MRC1: variants seen among roughly 807,000 people sequenced by gnomAD.
MRC1 encodes the protein macrophage mannose receptor 1.
A neutral mutation model predicts 102.9 loss-of-function variants in MRC1; 62 were observed. That is an observed-to-expected ratio of 0.60 (90% CI 0.49 to 0.74). MRC1 has a LOEUF of 0.74. MRC1 is among the 30% of genes least tolerant of loss of function. The probability of loss-of-function intolerance (pLI) is 0.00; values close to 1 mark genes in which losing one functional copy is unlikely to be tolerated. For missense variants in MRC1, 1,237 were observed against 862.8 expected (o/e 1.43, Z -5.43); for synonymous variants, 457 against 298.4 (o/e 1.53, Z -5.48).
intron 1 of MRC1, among the ~76,000 whole-genome samples, chr10:17,815,066 CAAT>C (rs1215640351): frequency 1.3e-5 from 2 of 152,088 alleles, no homozygotes; most frequent in Non-Finnish European, 2.9e-5. Context: ...GCCAAGTTAA[CAAT>C]AATAATAATG....
At chr10:17,847,873 C>T (rs950773030) in intron 6 of MRC1, among the ~76,000 whole-genome samples, 38 of 152,002 alleles carry the variant, frequency 2.5e-4, no homozygotes, top group African/African-American at 8.2e-4. Context: ...ATTAAAATAA[C>T]CCACCAGAGG....
intron 21 of MRC1, among the ~76,000 whole-genome samples, chr10:17,883,705 G>A (rs1223130880): frequency 2.0e-5 from 3 of 152,190 alleles, no homozygotes; most frequent in Non-Finnish European, 4.4e-5. Context: ...TTCAGCAGAT[G>A]TGTTTAAGTG....
At position 17,900,963 on chromosome 10, in the gene MRC1, T is replaced by A; in HGVS notation, c.3649+10T>A. On this transcript the variant is annotated intron_variant, in intron 25 of 29. Coordinates refer to ENST00000569591, the MANE Select transcript of MRC1 (RefSeq NM_002438.4). ...TGTAAAAGATCAGATGGTAATTGAA[T>A]ATATAAAAACAGTCAGGGGATCTGA... 3 of 779,684 alleles carry A rather than the reference T, an allele frequency of 3.8e-6. No homozygotes were observed. Among genetic ancestry groups the A allele is most frequent in the Non-Finnish European group, 7.2e-6 (3 of 417,466 alleles). 48.3% of individuals were successfully genotyped at this position (779,684 alleles called of 1,614,324 possible).
At chr10:17,825,239 G>A (rs920709548) in intron 2 of MRC1, among the ~76,000 whole-genome samples, 1 of 152,148 alleles carries the variant, frequency 6.6e-6, no homozygotes, top group Non-Finnish European at 1.5e-5. Context: ...GGGTAGAATG[G>A]TGGAACTTTT....
In MRC1 at chr10:17,880,059, T is replaced by C. The variant is rs1052449103; in HGVS notation, c.2719+238T>C. Among the ~76,000 whole-genome samples, 494 of 152,338 alleles carry C rather than the reference T, an allele frequency of 3.2e-3. 20 individuals carry two copies. In the East Asian group the frequency reaches 0.078, roughly 24 times the overall value. ...CTTCTTCCCAAATTAGGAACCATTT[T>C]TTCATGTTCTGATTTGAAAAAACTT... On this transcript the variant is annotated intron_variant, in intron 19 of 29. Coordinates refer to ENST00000569591, the MANE Select transcript of MRC1 (RefSeq NM_002438.4).
chr10:17,887,233 C>G (rs1833610189), intron 22 of MRC1, among the ~76,000 whole-genome samples: 1 of 151,702 alleles, frequency 6.6e-6, no homozygotes, highest in Admixed American at 6.6e-5. Context: ...ACTAAAAATA[C>G]AAAAAAAATT....
intron 9 of MRC1, among the ~76,000 whole-genome samples, chr10:17,857,959 AAAG>A (rs1833120312): frequency 6.6e-6 from 1 of 152,218 alleles, no homozygotes; most frequent in Admixed American, 6.5e-5. Context: ...TCCTCATTAT[AAAG>A]AAGTCTCATT....
chr10:17,843,161 T>C (rs1838775705), intron 5 of MRC1, among the ~76,000 whole-genome samples: 1 of 152,214 alleles, frequency 6.6e-6, no homozygotes, highest in Non-Finnish European at 1.5e-5. Flanking sequence ...AGGTATTGTA[T>C]TGATAAATAA....
At chr10:17,867,617 C>G (rs1017182748) in intron 12 of MRC1, among the ~76,000 whole-genome samples, 3 of 152,038 alleles carry the variant, frequency 2.0e-5, no homozygotes, top group South Asian at 2.1e-4. Context: ...AAGATGGGGT[C>G]TCACTATGTT....
At position 17,863,687 on chromosome 10, in the gene MRC1, G is replaced by A. The variant is rs1554841316; in HGVS notation, c.1783+5G>A. On this transcript the variant is annotated splice_donor_5th_base_variant and intron_variant, in intron 11 of 29. Coordinates refer to ENST00000569591, the MANE Select transcript of MRC1 (RefSeq NM_002438.4). Reference sequence around the variant, plus strand: ...ACTGGAATTCAGATATGCCAGGTACGGGCAGCGCTTAGGTTGAGGGTTGCT... The same window carrying A: ...ACTGGAATTCAGATATGCCAGGTACAGGCAGCGCTTAGGTTGAGGGTTGCT... 3 of 780,762 alleles carry A rather than the reference G, an allele frequency of 3.8e-6. No individual in the cohort carries two copies. Among genetic ancestry groups the A allele is most frequent in the Non-Finnish European group, 7.2e-6 (3 of 417,954 alleles). The allele number at this position is 780,762 out of a possible 1,614,324, so 48.4% of individuals were successfully genotyped here. A position where few individuals can be genotyped will look rare whatever the true frequency, so the allele number is the denominator to read the frequency against.
chr10:17,905,337 A>T (rs1197915072), intron 26 of MRC1, among the ~76,000 whole-genome samples: 1 of 152,168 alleles, frequency 6.6e-6, no homozygotes, highest in Non-Finnish European at 1.5e-5. Context: ...GAATTATTGC[A>T]AGCCTTTGAT....
At position 17,833,765 on chromosome 10, in the gene MRC1, C is replaced by G; in HGVS notation, c.728C>G (p.Ala243Gly). The change falls in exon 4 of 30, where the codon GCG (alanine) becomes GGG (glycine). Residue 243 changes from alanine (A) to glycine (G), a missense_variant. Ala to Gly is a moderately conservative substitution (Grantham distance 60). Coordinates refer to ENST00000569591, the MANE Select transcript of MRC1 (RefSeq NM_002438.4). ...AAATCCGCTTTAACGTGGCACCAGG[C>G]GAGGAAAAGCTGCCAACAACAGAAC... is the stretch of plus-strand genomic sequence containing the variant. ...NSKSALTWHQ[A>G]RKSCQQQNAE... The G allele has an allele frequency of 2.6e-6, 2 of 780,986 alleles. No homozygotes were observed. Among genetic ancestry groups the G allele is most frequent in the Non-Finnish European group, 4.8e-6 (2 of 418,130 alleles). 48.4% of individuals were successfully genotyped at this position (780,986 alleles called of 1,614,324 possible). A position where few individuals can be genotyped will look rare whatever the true frequency, so the allele number is the denominator to read the frequency against.
At chr10:17,842,244 G>A (rs967106655) in intron 5 of MRC1, among the ~76,000 whole-genome samples, 4 of 152,310 alleles carry the variant, frequency 2.6e-5, no homozygotes, top group South Asian at 2.1e-4. Context: ...GATTACAGGC[G>A]TGAGCCACTG....
chr10:17,859,506 C>G (rs1415089054), intron 9 of MRC1, among the ~76,000 whole-genome samples: 1 of 152,014 alleles, frequency 6.6e-6, no homozygotes, highest in Non-Finnish European at 1.5e-5. Context: ...TCAGTCAAGA[C>G]GGGGTTTCAC....
intron 10 of MRC1, 147 bp from the exon 11 acceptor site, chr10:17,863,387 T>C: frequency 4.5e-6 from 3 of 670,652 alleles, no homozygotes; most frequent in Non-Finnish European, 8.2e-6. Context: ...ATAATGTAGA[T>C]GACATACAAA....
chr10:17,903,382 C>CTT (rs1210207060), intron 26 of MRC1, among the ~76,000 whole-genome samples: 9 of 125,036 alleles, frequency 7.2e-5, no homozygotes, highest in African/African-American at 8.9e-5. Flanking sequence ...TTTTTCTTTT[C>CTT]TTTTTTTTTC....
intron 4 of MRC1, among the ~76,000 whole-genome samples, chr10:17,836,148 T>C (rs997846918): frequency 4.6e-5 from 7 of 152,240 alleles, no homozygotes; most frequent in Admixed American, 1.3e-4. Flanking sequence ...GCACACTCCC[T>C]ACCTTGCCTC....
At position 17,827,789 on chromosome 10, in the gene MRC1, CT is replaced by C. The variant is rs2130600708; in HGVS notation, c.637+75del. 5.2e-6 allele frequency: 4 copies of C among 770,386 alleles called. No individual in the cohort carries two copies. In the East Asian group the frequency reaches 9.7e-5, roughly 19 times the overall value. 47.7% of individuals were successfully genotyped at this position (770,386 alleles called of 1,614,324 possible). ...ATGTAGTGAAAGACCTTGAATTTATCTAGAGCATTTTTCCCCAAAGTTATTT... is the reference window on the plus strand; with the variant it reads ...ATGTAGTGAAAGACCTTGAATTTATCAGAGCATTTTTCCCCAAAGTTATTT... On this transcript the variant is annotated intron_variant, in intron 3 of 29. Coordinates refer to ENST00000569591, the MANE Select transcript of MRC1 (RefSeq NM_002438.4).
rs1007657010 is a variant in MRC1 at position 17,842,532 on chromosome 10, T to A, written c.916+1726T>A. Among the ~76,000 whole-genome samples the A allele has an allele frequency of 5.3e-5, 8 of 152,304 alleles. No individual in the cohort carries two copies. In the South Asian group the frequency reaches 6.2e-4, roughly 12 times the overall value. ...AAAATTTCTGGAATATGGGAAGACT[T>A]ACTGCAAGGGAATACATATAAAATA... On this transcript the variant is annotated intron_variant, in intron 5 of 29. Transcript: ENST00000569591.
Sources: gnomAD v4.1 joint callset for allele counts (sites outside exome capture counted in the v4.1 genomes callset) on GRCh38, gnomAD v4.1.1 for gene constraint, MANE v1.5 for transcripts, NCBI Gene and HGNC (gene_info 2026-07-23, HGNC 2026-07-21) for gene names.